Variants in SCAPER observed in about 807,000 individuals in gnomAD.
The protein encoded by SCAPER is S phase cyclin A-associated protein in the endoplasmic reticulum.
Under a neutral mutation model 182.2 loss-of-function variants are expected in SCAPER, and 98 were observed. That is an observed-to-expected ratio of 0.54 (90% confidence interval 0.46 to 0.64). The LOEUF (loss-of-function observed/expected upper bound fraction) is 0.64. Among genes scored for constraint, SCAPER ranks in the 30% least tolerant of loss-of-function variants. The pLI, the probability that SCAPER is intolerant of heterozygous loss-of-function variation, is 0.00. For synonymous variants in SCAPER, 605 were observed against 564.6 expected, an observed-to-expected ratio of 1.07 and a Z score of -1.01; for missense variants, 1,432 against 1,690.0, an observed-to-expected ratio of 0.85 and a Z score of 2.68.
chr15:76,888,119 A>T (rs2073954871), intron 1 of SCAPER, among the ~76,000 whole-genome samples: 1 of 152,260 alleles, frequency 6.6e-6, no homozygotes, highest in Non-Finnish European at 1.5e-5. Context: ...ACAAACAGAA[A>T]GGAATAGCAT....
At chr15:76,827,614 G>C (rs2068120272) in intron 5 of SCAPER, among the ~76,000 whole-genome samples, 1 of 152,090 alleles carries the variant, frequency 6.6e-6, no homozygotes, top group Non-Finnish European at 1.5e-5. Context: ...AGAGTAATAA[G>C]AGTCTTCAAA....
intron 18 of SCAPER, 75 bp downstream of exon 18, chr15:76,705,828 T>C (rs1351820567): frequency 2.1e-6 from 2 of 968,788 alleles, no homozygotes; most frequent in Admixed American, 5.5e-5. Context: ...ATTCAATTTT[T>C]TTCCTACAAA....
chr15:76,506,407 T>TA (rs1223541298), intron 23 of SCAPER, among the ~76,000 whole-genome samples: 5 of 151,358 alleles, frequency 3.3e-5, no homozygotes, highest in African/African-American at 1.2e-4. Flanking sequence ...CCACAAAAAT[T>TA]AAAAATTAGA....
At chr15:76,394,209 T>C (rs1402845414) in intron 27 of SCAPER, among the ~76,000 whole-genome samples, 2 of 152,158 alleles carry the variant, frequency 1.3e-5, no homozygotes, top group Non-Finnish European at 2.9e-5. Flanking sequence ...CTTATACTAA[T>C]AGGTAGCACT....
chr15:76,859,233 T>C (rs960067777), intron 3 of SCAPER, among the ~76,000 whole-genome samples: 3 of 152,238 alleles, frequency 2.0e-5, no homozygotes, highest in African/African-American at 7.2e-5. Context: ...AAGTGAGCCA[T>C]AACACACAGG....
intron 4 of SCAPER, among the ~76,000 whole-genome samples, chr15:76,845,029 T>A (rs2069923025): frequency 6.6e-6 from 1 of 152,206 alleles, no homozygotes; most frequent in Non-Finnish European, 1.5e-5. Flanking sequence ...TCATTCATCA[T>A]GACCAAGTGT....
intron 21 of SCAPER, among the ~76,000 whole-genome samples, chr15:76,639,333 TA>T (rs1268416208): frequency 6.6e-6 from 1 of 152,196 alleles, no homozygotes; most frequent in African/African-American, 2.4e-5. Context: ...CGATATTACT[TA>T]TCAAAAAAGT....
At chr15:76,543,037 T>C (rs1567405689) in intron 23 of SCAPER, among the ~76,000 whole-genome samples, 1 of 152,166 alleles carries the variant, frequency 6.6e-6, no homozygotes, top group Non-Finnish European at 1.5e-5. Context: ...AAAATAATTA[T>C]GGGTACATAA....
At chr15:76,579,265 CAA>C (rs71143342) in intron 22 of SCAPER, among the ~76,000 whole-genome samples, 12 of 49,496 alleles carry the variant, frequency 2.4e-4, no homozygotes, top group South Asian at 1.3e-3. Context: ...GACTCTGTCT[CAA>C]AAAAAAAAAA....
At chr15:76,467,224 A>G (rs11637490) in intron 25 of SCAPER, among the ~76,000 whole-genome samples, 51,568 of 151,940 alleles carry the variant, frequency 0.34, 9,038 homozygotes, top group East Asian at 0.58. Flanking sequence ...TCTTTATAGT[A>G]GTGTGAAAAC....
At chr15:76,666,181 AGG>A (rs1022267996) in intron 20 of SCAPER, among the ~76,000 whole-genome samples, 1 of 152,194 alleles carries the variant, frequency 6.6e-6, no homozygotes, top group African/African-American at 2.4e-5. Flanking sequence ...TAGGCGGAAG[AGG>A]GGGAAACTTC....
chr15:76,782,754 A>T (rs1359845499), intron 8 of SCAPER, among the ~76,000 whole-genome samples: 4 of 152,200 alleles, frequency 2.6e-5, no homozygotes, highest in Admixed American at 2.0e-4. Flanking sequence ...ACTACATGGA[A>T]ACAGAACAAC....
intron 20 of SCAPER, among the ~76,000 whole-genome samples, chr15:76,672,767 A>G (rs1376851295): frequency 6.6e-6 from 1 of 152,100 alleles, no homozygotes. Flanking sequence ...AAGATCAAAT[A>G]TTAAAAACTT....
At chr15:76,696,481 A>AT (rs916146984) in intron 20 of SCAPER, among the ~76,000 whole-genome samples, 16 of 151,588 alleles carry the variant, frequency 1.1e-4, no homozygotes, top group African/African-American at 3.1e-4. Flanking sequence ...AAAATTAACT[A>AT]TTTTTTTTTC....
chr15:76,843,700 C>A (rs778007959), intron 4 of SCAPER, among the ~76,000 whole-genome samples: 1 of 152,012 alleles, frequency 6.6e-6, no homozygotes, highest in Non-Finnish European at 1.5e-5. Flanking sequence ...TATACACATG[C>A]AGTCCTAACC....
intron 16 of SCAPER, among the ~76,000 whole-genome samples, chr15:76,731,935 T>C (rs2060944233): frequency 6.6e-6 from 1 of 152,210 alleles, no homozygotes; most frequent in Admixed American, 6.5e-5. Flanking sequence ...ATTTCAAATC[T>C]GCAAAATGCA....
chr15:76,557,920 C>T (rs909356872), intron 23 of SCAPER, among the ~76,000 whole-genome samples: 9 of 152,244 alleles, frequency 5.9e-5, no homozygotes, highest in South Asian at 2.1e-4. Flanking sequence ...GTGCAATAAA[C>T]GGTGCTGTGA....
chr15:76,429,619 A>G (rs2046720612), intron 26 of SCAPER, among the ~76,000 whole-genome samples: 1 of 152,116 alleles, frequency 6.6e-6, no homozygotes, highest in Admixed American at 6.6e-5. Context: ...TTTCAGCTTG[A>G]GGGAGATGAT....
At chr15:76,742,494 A>AAAAAAAAAAAAAAAAAAG (rs1567986942) in intron 15 of SCAPER, among the ~76,000 whole-genome samples, 1 of 108,662 alleles carries the variant, frequency 9.2e-6, no homozygotes. Flanking sequence ...AAAAAAAAAA[A>AAAAAAAAAAAAAAAAAAG]GAATAAAAAT....
Sources: allele counts gnomAD v4.1 joint callset (sites outside exome capture counted in the v4.1 genomes callset), GRCh38; gene constraint gnomAD v4.1.1; transcripts MANE v1.5; gene names NCBI Gene and HGNC (gene_info 2026-07-23, HGNC 2026-07-21).